Variants in PIK3C2G observed in about 807,000 individuals in gnomAD.
PIK3C2G encodes phosphatidylinositol 3-kinase C2 domain-containing subunit gamma.
Under a neutral mutation model 181.1 loss-of-function variants are expected in PIK3C2G, and 168 were observed. The observed-to-expected ratio is 0.93, with a 90% CI of 0.82 to 1.05. PIK3C2G has a LOEUF of 1.05. Among genes scored for constraint, PIK3C2G ranks in the 50% least tolerant of loss-of-function variants. PIK3C2G has a pLI of 0.00. For missense variants in PIK3C2G, 1,869 were observed against 1,732.8 expected, an observed-to-expected ratio of 1.08 and a Z score of -1.40; for synonymous variants, 573 against 592.2, an observed-to-expected ratio of 0.97 and a Z score of 0.47.
the PIK3C2G span, chr12:18,723,168 T>G: frequency 1.8e-5 from 12 of 679,330 alleles, no homozygotes; most frequent in Non-Finnish European, 2.7e-5. Flanking sequence ...AAAATATATT[T>G]TCTCAAAGAT....
intron 13 of PIK3C2G, among the ~76,000 whole-genome samples, chr12:18,377,950 G>A (rs750532439): frequency 1.2e-4 from 19 of 152,072 alleles, no homozygotes; most frequent in Non-Finnish European, 2.8e-4. Context: ...TCCACCTCTC[G>A]GGTTTAAGTG....
chr12:18,600,752 G>T (rs1034499905), intron 30 of PIK3C2G, among the ~76,000 whole-genome samples: 2 of 151,976 alleles, frequency 1.3e-5, no homozygotes, highest in African/African-American at 4.8e-5. Flanking sequence ...GCCCAGAGAA[G>T]ATGATTCTAA....
At chr12:18,324,145 C>T (rs564295665) in intron 7 of PIK3C2G, among the ~76,000 whole-genome samples, 2 of 149,952 alleles carry the variant, frequency 1.3e-5, no homozygotes, top group South Asian at 4.6e-4. Context: ...ACGTGAACCC[C>T]GGGGGGCGGA....
At chr12:18,481,877 T>C (rs1939595402) in intron 18 of PIK3C2G, among the ~76,000 whole-genome samples, 1 of 152,168 alleles carries the variant, frequency 6.6e-6, no homozygotes, top group African/African-American at 2.4e-5. Context: ...TGCAATGCAA[T>C]CAGGACACTT....
At chr12:18,683,630 T>A in the PIK3C2G span, 1 of 1,388,322 alleles carries the variant, frequency 7.2e-7, no homozygotes, top group South Asian at 1.2e-5. Flanking sequence ...ACATCTCAGA[T>A]GCTGTTAGAA....
upstream of PIK3C2G, among the ~76,000 whole-genome samples, chr12:18,258,360 A>G (rs1948169634): frequency 6.6e-6 from 1 of 151,948 alleles, no homozygotes; most frequent in Admixed American, 6.6e-5. Flanking sequence ...CATAATGACT[A>G]TGTTGCACAA....
At chr12:18,650,754 ATATATATATAT>A (rs1950473985), downstream of PIK3C2G, among the ~76,000 whole-genome samples, 8 of 105,268 alleles carry the variant, frequency 7.6e-5, no homozygotes, top group African/African-American at 2.9e-4. Context: ...ATATATATAT[ATATATATATAT>A]TCCAGTCCAT....
chr12:18,307,789 A>G (rs1950481517), intron 5 of PIK3C2G, among the ~76,000 whole-genome samples: 1 of 151,748 alleles, frequency 6.6e-6, no homozygotes. Flanking sequence ...CATTTTCTCT[A>G]CATAGCACCA....
At chr12:18,701,616 TCCTCCTC>T in the PIK3C2G span, 1 of 238,316 alleles carries the variant, frequency 4.2e-6, no homozygotes, top group Non-Finnish European at 5.0e-6. Context: ...ATCCTCCTCC[TCCTCCTC>T]CTCCTCCTCC....
intron 1 of PIK3C2G, among the ~76,000 whole-genome samples, chr12:18,274,843 C>T (rs1197745006): frequency 1.3e-5 from 2 of 152,068 alleles, no homozygotes; most frequent in African/African-American, 4.8e-5. Context: ...ATGTCCTCCA[C>T]CTTTTATTAA....
At chr12:18,688,178 G>C in the PIK3C2G span, 2 of 1,610,882 alleles carry the variant, frequency 1.2e-6, no homozygotes, top group African/African-American at 1.3e-5. Flanking sequence ...ACCTTTGTTA[G>C]ATGATGAATG....
intron 13 of PIK3C2G, among the ~76,000 whole-genome samples, chr12:18,376,168 A>C (rs1289972171): frequency 6.6e-6 from 1 of 152,174 alleles, no homozygotes; most frequent in Non-Finnish European, 1.5e-5. Context: ...CAGATTCTGG[A>C]ATGGTAGAGC....
chr12:18,721,673 A>G, the PIK3C2G span, among the ~76,000 whole-genome samples: 2 of 151,822 alleles, frequency 1.3e-5, no homozygotes, highest in Non-Finnish European at 2.9e-5. Flanking sequence ...TTGAGCCAGA[A>G]CATAAATCAA....
chr12:18,295,068 A>G (rs986980682), intron 5 of PIK3C2G, among the ~76,000 whole-genome samples: 3 of 149,982 alleles, frequency 2.0e-5, no homozygotes, highest in African/African-American at 7.3e-5. Flanking sequence ...ATAACAAAAT[A>G]TATTGTATTA....
intron 21 of PIK3C2G, among the ~76,000 whole-genome samples, chr12:18,496,695 A>T (rs1012255083): frequency 6.6e-6 from 1 of 152,118 alleles, no homozygotes; most frequent in South Asian, 2.1e-4. Flanking sequence ...AGAGAGGGAG[A>T]TTAGGGTAAA....
At chr12:18,704,351 G>C in the PIK3C2G span, among the ~76,000 whole-genome samples, 2 of 151,978 alleles carry the variant, frequency 1.3e-5, no homozygotes, top group Non-Finnish European at 2.9e-5. Flanking sequence ...ATATGAAGGA[G>C]TTTTGTTCTT....
intron 5 of PIK3C2G, 98 bp from the exon 6 acceptor site, chr12:18,313,860 AAACT>A: frequency 3.0e-6 from 2 of 673,654 alleles, no homozygotes; most frequent in Middle Eastern, 3.6e-4. Context: ...AGTTTTTACC[AAACT>A]AAGTTCCAAA....
intron 29 of PIK3C2G, among the ~76,000 whole-genome samples, chr12:18,578,095 T>C (rs1946321288): frequency 6.6e-6 from 1 of 152,122 alleles, no homozygotes; most frequent in Admixed American, 6.6e-5. Flanking sequence ...GTTCTAAAGG[T>C]AGAAGGTGAT....
At chr12:18,723,124 C>T in the PIK3C2G span, among the ~76,000 whole-genome samples, 1,127 of 152,028 alleles carry the variant, frequency 7.4e-3, 11 homozygotes, top group Non-Finnish European at 1.0e-2. Flanking sequence ...GTCATGGTTG[C>T]ATACTATAGC....
Sources: allele counts gnomAD v4.1 joint callset (sites outside exome capture counted in the v4.1 genomes callset), GRCh38; gene constraint gnomAD v4.1.1; transcripts MANE v1.5; gene names NCBI Gene and HGNC (gene_info 2026-07-23, HGNC 2026-07-21).